GALNT13: variants seen among roughly 807,000 people sequenced by gnomAD.
GALNT13 encodes the protein UDP-GalNAc:polypeptide N-acetylgalactosaminyltransferase 13.
In GALNT13, 28 loss-of-function variants were observed where a neutral mutation model predicts 64.2. The observed-to-expected ratio is 0.44, with a 90% CI of 0.32 to 0.60. The LOEUF (loss-of-function observed/expected upper bound fraction) is 0.60. Ranked by LOEUF, GALNT13 falls within the 20% of genes least tolerant of loss-of-function variation. The pLI is 0.05. For missense variants in GALNT13, 577 were observed against 669.8 expected, an observed-to-expected ratio of 0.86 and a Z score of 1.53; for synonymous variants, 214 against 224.6, an observed-to-expected ratio of 0.95 and a Z score of 0.42.
rs915743730 is a variant in GALNT13, at chr2:153,907,066, A to G, written c.-105+6059A>G. ...CTTCTTTTGAGAAGTGTCTGTTCAT[A>G]TCCTTTGCCCAGTTTTTGATGGGGT... is the stretch of plus-strand genomic sequence containing the variant. On this transcript the variant is annotated intron_variant, in intron 2 of 12. Transcript: ENST00000392825. 1.2e-4 allele frequency among the ~76,000 whole-genome samples: 19 copies of G among 152,010 alleles called. No homozygotes were observed. In the East Asian group the frequency reaches 2.3e-3, roughly 19 times the overall value.
At chr2:153,679,033 G>A in the GALNT13 span, among the ~76,000 whole-genome samples, 1 of 151,928 alleles carries the variant, frequency 6.6e-6, no homozygotes, top group East Asian at 1.9e-4. Flanking sequence ...AGGTTATTGT[G>A]CCTCCTACCT....
chr2:153,113,312 C>G, the GALNT13 span, among the ~76,000 whole-genome samples: 1 of 151,992 alleles, frequency 6.6e-6, no homozygotes, highest in Non-Finnish European at 1.5e-5. Flanking sequence ...AGAAGTATTT[C>G]CTTTGATGTT....
intron 2 of GALNT13, among the ~76,000 whole-genome samples, chr2:153,922,263 A>G (rs1334302419): frequency 4.6e-5 from 7 of 152,192 alleles, no homozygotes; most frequent in Non-Finnish European, 8.8e-5. Context: ...CACAGAAATT[A>G]ATAGATAAGA....
intron 11 of GALNT13, among the ~76,000 whole-genome samples, chr2:154,421,682 TAC>T (rs1477807136): frequency 6.6e-6 from 1 of 152,104 alleles, no homozygotes; most frequent in Non-Finnish European, 1.5e-5. Flanking sequence ...GCACAAGAAA[TAC>T]GTTTTCTAGG....
chr2:153,330,593 T>C, the GALNT13 span, among the ~76,000 whole-genome samples: 2 of 151,608 alleles, frequency 1.3e-5, no homozygotes, highest in Admixed American at 6.6e-5. Context: ...ATAGAAATGG[T>C]ACTGATTTTT....
chr2:154,206,174 T>C (rs1035836576), intron 4 of GALNT13, among the ~76,000 whole-genome samples: 16 of 151,540 alleles, frequency 1.1e-4, no homozygotes, highest in Non-Finnish European at 1.9e-4. Flanking sequence ...ATTTTTCTAT[T>C]TTTTTTATAG....
the GALNT13 span, among the ~76,000 whole-genome samples, chr2:153,643,233 G>A: frequency 5.9e-5 from 9 of 151,420 alleles, no homozygotes; most frequent in East Asian, 1.8e-3. Context: ...GTAATGACTA[G>A]TAAAATAAAC....
chr2:153,616,170 T>C, the GALNT13 span, among the ~76,000 whole-genome samples: 18 of 152,022 alleles, frequency 1.2e-4, no homozygotes, highest in Admixed American at 1.2e-3. Context: ...TATCCAGTTT[T>C]CTCAGCGCCA....
chr2:153,820,896 C>T, the GALNT13 span, among the ~76,000 whole-genome samples: 1 of 152,026 alleles, frequency 6.6e-6, no homozygotes, highest in Admixed American at 6.6e-5. Context: ...GTCTTAACAT[C>T]CCACTTAAAA....
chr2:153,904,208 T>C (rs1215119623), intron 2 of GALNT13, among the ~76,000 whole-genome samples: 3 of 152,002 alleles, frequency 2.0e-5, no homozygotes, highest in Admixed American at 6.6e-5. Context: ...CTACAGAATA[T>C]TTATTCATTG....
At chr2:154,212,257 T>G (rs940374795) in intron 4 of GALNT13, among the ~76,000 whole-genome samples, 2 of 152,034 alleles carry the variant, frequency 1.3e-5, no homozygotes, top group Non-Finnish European at 2.9e-5. Context: ...AGGCATTTTT[T>G]TTTTTGAGAC....
the GALNT13 span, among the ~76,000 whole-genome samples, chr2:153,719,496 C>A: frequency 6.6e-6 from 1 of 152,148 alleles, no homozygotes; most frequent in East Asian, 1.9e-4. Flanking sequence ...GTCTACAGCT[C>A]CCAGCTTGAG....
At chr2:153,133,901 G>C in the GALNT13 span, among the ~76,000 whole-genome samples, 1 of 152,154 alleles carries the variant, frequency 6.6e-6, no homozygotes, top group Non-Finnish European at 1.5e-5. Context: ...GCCAGACATG[G>C]CGCTCTGCAC....
chr2:153,268,321 G>A, the GALNT13 span, among the ~76,000 whole-genome samples: 1 of 152,202 alleles, frequency 6.6e-6, no homozygotes, highest in Admixed American at 6.5e-5. Flanking sequence ...TATCCATTAA[G>A]GCAGTCATTA....
chr2:153,074,353 AG>A, the GALNT13 span, among the ~76,000 whole-genome samples: 1 of 152,182 alleles, frequency 6.6e-6, no homozygotes, highest in Non-Finnish European at 1.5e-5. Flanking sequence ...CATTTTTCAA[AG>A]GTGACTAACA....
chr2:154,195,183 A>G (rs1056696397), intron 4 of GALNT13, among the ~76,000 whole-genome samples: 1 of 152,100 alleles, frequency 6.6e-6, no homozygotes, highest in African/African-American at 2.4e-5. Flanking sequence ...ACATCATCTT[A>G]AAGATGACTA....
chr2:153,442,065 A>G, the GALNT13 span, among the ~76,000 whole-genome samples: 5 of 152,166 alleles, frequency 3.3e-5, no homozygotes, highest in African/African-American at 9.7e-5. Context: ...CCCAATCAGT[A>G]TGATATTGGC....
chr2:154,041,109 G>A (rs1698951371), intron 3 of GALNT13, among the ~76,000 whole-genome samples: 1 of 139,902 alleles, frequency 7.1e-6, no homozygotes, highest in South Asian at 2.3e-4. Flanking sequence ...GATGAATAAG[G>A]ATAAGAAATT....
chr2:153,534,686 G>A, the GALNT13 span, among the ~76,000 whole-genome samples: 3 of 151,990 alleles, frequency 2.0e-5, no homozygotes, highest in East Asian at 1.9e-4. Flanking sequence ...GTTCTCTGGC[G>A]GGCAGGAGTG....
Sources: gnomAD v4.1 joint callset for allele counts (sites outside exome capture counted in the v4.1 genomes callset) on GRCh38, gnomAD v4.1.1 for gene constraint, MANE v1.5 for transcripts, NCBI Gene and HGNC (gene_info 2026-07-23, HGNC 2026-07-21) for gene names.